The following NETO1 variants were observed in gnomAD, a reference collection of about 807,000 sequenced individuals.
The protein encoded by NETO1 is neuropilin and tolloid like 1.
NETO1 carries 26 observed loss-of-function variants against 61.3 expected under a neutral mutation model. That is an observed-to-expected ratio of 0.42 (90% CI 0.31 to 0.59). NETO1 has a LOEUF of 0.59. NETO1 is among the 20% of genes least tolerant of loss of function. NETO1 has a pLI of 0.12. For synonymous variants in NETO1, 225 were observed against 225.8 expected, an observed-to-expected ratio of 1.00 and a Z score of 0.03; for missense variants, 531 against 662.8, an observed-to-expected ratio of 0.80 and a Z score of 2.18.
chr18:72,766,217 A>AT (rs1425997573), intron 7 of NETO1, among the ~76,000 whole-genome samples: 10 of 74,540 alleles, frequency 1.3e-4, no homozygotes, highest in Middle Eastern at 6.5e-3. Context: ...GAAAAAAAAA[A>AT]ATATGTGTGT....
chr18:72,798,893 G>T (rs1282658937), intron 4 of NETO1, among the ~76,000 whole-genome samples: 2 of 152,150 alleles, frequency 1.3e-5, no homozygotes, highest in Non-Finnish European at 2.9e-5. Context: ...AATGTGTGGT[G>T]ACCAGTTATC....
intron 4 of NETO1, among the ~76,000 whole-genome samples, chr18:72,811,598 G>A (rs151311671): frequency 1.3e-3 from 205 of 152,284 alleles, no homozygotes; most frequent in African/African-American, 3.9e-3. Flanking sequence ...GAGATCAGGA[G>A]TTTGAGACCA....
intron 4 of NETO1, among the ~76,000 whole-genome samples, chr18:72,808,391 G>A (rs955803821): frequency 6.6e-6 from 1 of 151,000 alleles, no homozygotes; most frequent in African/African-American, 2.4e-5. Flanking sequence ...GCTACACACA[G>A]GTTGGAAGCA....
chr18:72,845,408 A>C (rs1182756058), intron 4 of NETO1, among the ~76,000 whole-genome samples: 2 of 152,220 alleles, frequency 1.3e-5, no homozygotes, highest in African/African-American at 4.8e-5. Context: ...TCATGCAACT[A>C]TTGTATATAT....
Position 72,761,319 on chromosome 18 carries a change from G to A in NETO1, c.869-5172C>T, listed in dbSNP as rs943208929. Among the ~76,000 whole-genome samples the A allele has an allele frequency of 3.3e-5, 5 of 152,100 alleles. No individual in the cohort carries two copies. In the East Asian group the frequency reaches 9.6e-4, roughly 29 times the overall value. On this transcript the variant is annotated intron_variant, in intron 7 of 10. Transcript: ENST00000327305. ...GAGAATATGCCTTTGCTACAACCAA[G>A]TCTAATATGAAATACTATGTTTCAA...
chr18:72,866,998 G>T, intron 1 of NETO1: 1 of 444,750 alleles, frequency 2.2e-6, no homozygotes, highest in Non-Finnish European at 3.9e-6. Context: ...TGAACTGCAC[G>T]CTATCCTCCA....
chr18:72,846,710 A>C (rs2074101960), intron 4 of NETO1, among the ~76,000 whole-genome samples: 1 of 152,028 alleles, frequency 6.6e-6, no homozygotes, highest in South Asian at 2.1e-4. Context: ...TATTAGGAGA[A>C]AGTCGTGTGC....
At chr18:72,832,469 C>A (rs901592352) in intron 4 of NETO1, among the ~76,000 whole-genome samples, 4 of 152,146 alleles carry the variant, frequency 2.6e-5, no homozygotes, top group African/African-American at 4.8e-5. Context: ...TCAGGAAAAA[C>A]CACTTCTAAA....
At chr18:72,775,856 T>A (rs906969493) in intron 7 of NETO1, among the ~76,000 whole-genome samples, 9 of 152,080 alleles carry the variant, frequency 5.9e-5, no homozygotes, top group African/African-American at 2.2e-4. Flanking sequence ...GAACCCTTTT[T>A]TTTTCTGTTT....
chr18:72,760,075 C>T (rs11662440), intron 7 of NETO1, among the ~76,000 whole-genome samples: 53,425 of 152,022 alleles, frequency 0.35, 9,653 homozygotes, highest in South Asian at 0.47. Context: ...TATTTAGACA[C>T]GAGACCCTCC....
intron 6 of NETO1, among the ~76,000 whole-genome samples, chr18:72,787,224 A>G (rs1274233140): frequency 6.6e-6 from 1 of 151,426 alleles, no homozygotes; most frequent in Admixed American, 6.6e-5. Context: ...AATAAATTCA[A>G]CAAGTTAATC....
intron 4 of NETO1, among the ~76,000 whole-genome samples, chr18:72,810,964 C>A (rs1159850821): frequency 1.3e-5 from 2 of 152,156 alleles, no homozygotes; most frequent in Non-Finnish European, 2.9e-5. Flanking sequence ...TTAACCTGAG[C>A]TGGAAACTGC....
chr18:72,784,452 GTC>G (rs1434227835), intron 6 of NETO1, among the ~76,000 whole-genome samples: 6 of 152,102 alleles, frequency 3.9e-5, no homozygotes, highest in African/African-American at 1.4e-4. Flanking sequence ...GGCCAAGCTA[GTC>G]TCTGTCCATT....
At chr18:72,773,629 T>C (rs1214243926) in intron 7 of NETO1, among the ~76,000 whole-genome samples, 1 of 152,110 alleles carries the variant, frequency 6.6e-6, no homozygotes, top group Non-Finnish European at 1.5e-5. Flanking sequence ...TCTCAGGAGA[T>C]CTGATGGTTT....
rs1319596207 is a variant in NETO1, at chr18:72,783,798, A to T, written c.748T>A (p.Phe250Ile). ...ACATCATTAGCCACAGTGCTACAGAACTTAGCTTTCAAATCCTCCACGGAA... is the reference window on the plus strand; with the variant it reads ...ACATCATTAGCCACAGTGCTACAGATCTTAGCTTTCAAATCCTCCACGGAA... ...SSSVEDLKAK[F>I]CSTVANDVML... Residue 250 changes from phenylalanine (F) to isoleucine (I), a missense_variant, in exon 7 of 11, where the codon TTC becomes ATC. Transcript: ENST00000327305. The T allele has an allele frequency of 6.2e-7, 1 of 1,614,228 alleles. No individual in the cohort carries two copies.
At chr18:72,865,355 T>C in intron 1 of NETO1, 114 bp from the exon 2 acceptor site, 1 of 1,175,974 alleles carries the variant, frequency 8.5e-7, no homozygotes, top group Non-Finnish European at 1.2e-6. Flanking sequence ...TTTTTCATTG[T>C]TAACTGTTAG....
intron 4 of NETO1, among the ~76,000 whole-genome samples, chr18:72,845,819 T>C (rs938262551): frequency 6.6e-6 from 1 of 151,984 alleles, no homozygotes; most frequent in Non-Finnish European, 1.5e-5. Flanking sequence ...CACATGTTTA[T>C]AATCATATTG....
intron 4 of NETO1, among the ~76,000 whole-genome samples, chr18:72,813,610 T>C (rs549987202): frequency 1.3e-5 from 2 of 152,268 alleles, no homozygotes; most frequent in Non-Finnish European, 2.9e-5. Context: ...TACCTCAGTG[T>C]TTTTGAAAAA....
intron 4 of NETO1, among the ~76,000 whole-genome samples, chr18:72,847,471 G>C: frequency 6.6e-6 from 1 of 152,232 alleles, no homozygotes; most frequent in East Asian, 1.9e-4. Flanking sequence ...AATATGCCAT[G>C]AAGAGGCAGA....
Sources: gnomAD v4.1 joint callset for allele counts (sites outside exome capture counted in the v4.1 genomes callset) on GRCh38, gnomAD v4.1.1 for gene constraint, MANE v1.5 for transcripts, NCBI Gene and HGNC (gene_info 2026-07-23, HGNC 2026-07-21) for gene names.